SLC24A2: variants seen among roughly 807,000 people sequenced by gnomAD.
The protein encoded by SLC24A2 is solute carrier family 24 member 2.
SLC24A2 carries 36 observed loss-of-function variants against 62.0 expected under a neutral mutation model. That is an observed-to-expected ratio of 0.58 (90% CI 0.44 to 0.77). The LOEUF (loss-of-function observed/expected upper bound fraction) is 0.77, where lower values mean the gene tolerates loss of function less well. Ranked by LOEUF, SLC24A2 falls within the 30% of genes least tolerant of loss-of-function variation. The pLI, the probability that SLC24A2 is intolerant of heterozygous loss-of-function variation, is 0.00. For synonymous variants in SLC24A2, 358 were observed against 294.0 expected (o/e 1.22, Z -2.23); for missense variants, 846 against 817.9 (o/e 1.03, Z -0.42).
intron 2 of SLC24A2, among the ~76,000 whole-genome samples, chr9:19,761,175 A>C (rs989187630): frequency 6.6e-6 from 1 of 152,210 alleles, no homozygotes; most frequent in African/African-American, 2.4e-5. Context: ...GTATGTACCC[A>C]GTAATTAGAT....
chr9:20,053,590 T>A, the SLC24A2 span, among the ~76,000 whole-genome samples: 1 of 152,160 alleles, frequency 6.6e-6, no homozygotes, highest in East Asian at 1.9e-4. Context: ...AGGTGGAGTC[T>A]TTGGGGATGA....
the SLC24A2 span, among the ~76,000 whole-genome samples, chr9:19,917,354 GTT>G: frequency 7.1e-6 from 1 of 140,350 alleles, no homozygotes; most frequent in Non-Finnish European, 1.5e-5. Flanking sequence ...TTTTTGTGTG[GTT>G]TTTTTTTTTT....
chr9:19,867,655 A>G, the SLC24A2 span, among the ~76,000 whole-genome samples: 11 of 152,284 alleles, frequency 7.2e-5, no homozygotes, highest in South Asian at 2.3e-3. Context: ...CACGCCTGTA[A>G]TCCCAGCACT....
chr9:19,734,808 T>C (rs571941786), intron 2 of SLC24A2, among the ~76,000 whole-genome samples: 1 of 152,110 alleles, frequency 6.6e-6, no homozygotes, highest in Non-Finnish European at 1.5e-5. Flanking sequence ...TCTAGCCATA[T>C]GTAGAAAGCT....
chr9:19,541,590 G>A (rs1481766093), intron 8 of SLC24A2, among the ~76,000 whole-genome samples: 3 of 146,558 alleles, frequency 2.0e-5, no homozygotes, highest in African/African-American at 7.8e-5. Flanking sequence ...CGTGCTGGGA[G>A]AACCACTGCT....
chr9:19,771,036 A>C (rs1383500125), intron 2 of SLC24A2, among the ~76,000 whole-genome samples: 1 of 152,238 alleles, frequency 6.6e-6, no homozygotes, highest in Non-Finnish European at 1.5e-5. Context: ...GCAATGTTTT[A>C]TTAAAAATAA....
the SLC24A2 span, among the ~76,000 whole-genome samples, chr9:19,997,672 C>T: frequency 5.3e-5 from 8 of 152,258 alleles, no homozygotes; most frequent in East Asian, 5.8e-4. Context: ...AAAAAACAGG[C>T]GTACAACAGC....
the SLC24A2 span, among the ~76,000 whole-genome samples, chr9:20,155,327 C>A: frequency 6.6e-6 from 1 of 151,774 alleles, no homozygotes; most frequent in Non-Finnish European, 1.5e-5. Flanking sequence ...CTCGCCTCCA[C>A]TCACGTATAC....
chr9:19,726,214 G>A (rs551080751), intron 2 of SLC24A2, among the ~76,000 whole-genome samples: 5 of 152,252 alleles, frequency 3.3e-5, no homozygotes, highest in African/African-American at 9.6e-5. Context: ...AGAACATTGC[G>A]TAGGATTATA....
At chr9:20,169,384 G>A in the SLC24A2 span, among the ~76,000 whole-genome samples, 1 of 152,062 alleles carries the variant, frequency 6.6e-6, no homozygotes, top group South Asian at 2.1e-4. Context: ...GAATAAATCA[G>A]GAAAGTGAAG....
chr9:19,665,029 G>A (rs1469184169), intron 2 of SLC24A2, among the ~76,000 whole-genome samples: 2 of 152,152 alleles, frequency 1.3e-5, no homozygotes, highest in Non-Finnish European at 2.9e-5. Context: ...TGATTCTAAG[G>A]ATACCTCCTC....
the SLC24A2 span, among the ~76,000 whole-genome samples, chr9:19,998,594 C>T: frequency 2.6e-5 from 4 of 152,208 alleles, no homozygotes; most frequent in Non-Finnish European, 5.9e-5. Flanking sequence ...TTTAAGCAGG[C>T]CCCGCTTCCT....
At chr9:20,257,668 T>C in the SLC24A2 span, among the ~76,000 whole-genome samples, 11 of 152,238 alleles carry the variant, frequency 7.2e-5, no homozygotes, top group African/African-American at 2.7e-4. Flanking sequence ...GCCAGTTTCC[T>C]TAACATCTCT....
At chr9:20,209,595 C>T in the SLC24A2 span, among the ~76,000 whole-genome samples, 3,090 of 152,288 alleles carry the variant, frequency 0.02, 56 homozygotes, top group South Asian at 0.052. Context: ...GCTCTTGAAT[C>T]CCCATTCAGA....
In SLC24A2 at chr9:19,786,280, A is replaced by G. The variant is rs757217199; in HGVS notation, c.587T>C (p.Val196Ala). ...APELFTSLIG[V>A]FIAHSNVGIG... Reference sequence around the variant, plus strand: ...GCCAACGTTGCTGTGAGCGATAAATACCCCTATGAGAGATGTGAAAAGTTC... The same window carrying G: ...GCCAACGTTGCTGTGAGCGATAAATGCCCCTATGAGAGATGTGAAAAGTTC... Residue 196 changes from valine (V) to alanine (A), a missense_variant, in exon 2 of 11, where the codon GTA becomes GCA. Val to Ala is a moderately conservative substitution (Grantham distance 64). Coordinates refer to ENST00000341998, the MANE Select transcript of SLC24A2 (RefSeq NM_020344.4). The surrounding 1 kb of genome is among the most constrained non-coding windows in gnomAD (Gnocchi z 5.0). 6.2e-7 allele frequency: 1 copy of G among 1,613,898 alleles called. No homozygotes were observed. The highest frequency in any genetic ancestry group is 8.5e-7 in the Non-Finnish European group (1 of 1,180,014).
chr9:19,618,326 G>A (rs762560130), intron 4 of SLC24A2, among the ~76,000 whole-genome samples: 2 of 152,140 alleles, frequency 1.3e-5, no homozygotes, highest in African/African-American at 2.4e-5. Flanking sequence ...ATGGACCTCC[G>A]TGTAGATAGA....
the SLC24A2 span, among the ~76,000 whole-genome samples, chr9:19,874,325 G>A: frequency 1.3e-5 from 2 of 151,926 alleles, no homozygotes; most frequent in African/African-American, 2.4e-5. Flanking sequence ...CATTGCTCTG[G>A]AAATTTATTT....
At chr9:20,203,466 T>G in the SLC24A2 span, among the ~76,000 whole-genome samples, 1 of 152,222 alleles carries the variant, frequency 6.6e-6, no homozygotes, top group Non-Finnish European at 1.5e-5. Context: ...GGCAAGCCGC[T>G]TAAGCTCTCA....
At chr9:19,793,483 A>G (rs1170251043), upstream of SLC24A2, among the ~76,000 whole-genome samples, 4 of 152,246 alleles carry the variant, frequency 2.6e-5, no homozygotes, top group Non-Finnish European at 5.9e-5. Context: ...TGTGTGCTTC[A>G]GAGAAGAATG....
Sources: gnomAD v4.1 joint callset for allele counts (sites outside exome capture counted in the v4.1 genomes callset) on GRCh38, gnomAD v4.1.1 for gene constraint, Gnocchi (gnomAD v3.1) non-coding constraint, MANE v1.5 for transcripts, NCBI Gene and HGNC (gene_info 2026-07-23, HGNC 2026-07-21) for gene names.